The following IGF1R variants were observed in gnomAD, a reference collection of about 807,000 sequenced individuals.
The protein encoded by IGF1R is insulin-like growth factor 1 receptor.
Under a neutral mutation model 144.6 loss-of-function variants are expected in IGF1R, and 44 were observed. The ratio of observed to expected loss-of-function variants is 0.30; its 90% CI spans 0.24 to 0.39. The LOEUF (loss-of-function observed/expected upper bound fraction) is 0.39, where lower values mean the gene tolerates loss of function less well. Ranked by LOEUF, IGF1R falls within the 10% of genes least tolerant of loss-of-function variation. IGF1R has a pLI of 1.00. For synonymous variants in IGF1R, 795 were observed against 722.8 expected (o/e 1.10, Z -1.60); for missense variants, 1,355 against 1,833.7 (o/e 0.74, Z 4.77).
At chr15:98,926,459 T>C (rs1567203779) in intron 13 of IGF1R, among the ~76,000 whole-genome samples, 1 of 152,218 alleles carries the variant, frequency 6.6e-6, no homozygotes, top group East Asian at 1.9e-4. Flanking sequence ...TTAAGTGTTC[T>C]CACCACACAC....
rs553623802 is a variant in IGF1R at position 98,930,444 on chromosome 15, ATTTC to A, written c.2956+151_2956+154del. ...TGGCCTTGGATCTGTCTTCATTAAT[ATTTC>A]TTTCTTTCTTTTTTTTTTTAATCAA... is the stretch of plus-strand genomic sequence containing the variant. On this transcript the variant is annotated intron_variant, in intron 15 of 20. Coordinates refer to ENST00000650285, the MANE Select transcript of IGF1R (RefSeq NM_000875.5). The A allele has an allele frequency of 7.5e-4, 466 of 620,580 alleles. 3 individuals are homozygous for A. The African/African-American group carries it at 7.6e-3, about 10-fold the overall frequency. The allele number at this position is 620,580 out of a possible 1,614,324, so 38.4% of individuals were successfully genotyped here. A position where few individuals can be genotyped will look rare whatever the true frequency, so the allele number is the denominator to read the frequency against.
At chr15:98,686,459 A>C (rs1378061169) in intron 1 of IGF1R, among the ~76,000 whole-genome samples, 1 of 152,144 alleles carries the variant, frequency 6.6e-6, no homozygotes, top group Non-Finnish European at 1.5e-5. Context: ...ATCATATGGC[A>C]GTTCTATTTT....
chr15:98,929,458 A>G, intron 13 of IGF1R, 100 bp from the exon 14 acceptor site: 6 of 891,682 alleles, frequency 6.7e-6, no homozygotes, highest in South Asian at 6.6e-5. Context: ...GTAAACGAAT[A>G]TACAGGTATT....
chr15:98,649,899 C>T (rs2052306940), intron 1 of IGF1R, among the ~76,000 whole-genome samples: 1 of 152,148 alleles, frequency 6.6e-6, no homozygotes, highest in South Asian at 2.1e-4. Flanking sequence ...CGCGCATCCC[C>T]GCGCGGGAAG....
intron 1 of IGF1R, among the ~76,000 whole-genome samples, chr15:98,684,348 G>A (rs1282034337): frequency 7.3e-6 from 1 of 137,658 alleles, no homozygotes; most frequent in South Asian, 2.2e-4. Context: ...CTCTGGTTGT[G>A]TCTTACAACT....
chr15:98,746,900 CAAAG>C lies in IGF1R; in HGVS notation c.640+38797_640+38800del, dbSNP rs199840866. ...CAGTAATTTCACTAATTATGGTTGG[CAAAG>C]AAACTCTGACACATGGCTTTGGAGC... On this transcript the variant is annotated intron_variant, in intron 2 of 20. Coordinates refer to ENST00000650285, the MANE Select transcript of IGF1R (RefSeq NM_000875.5). 3.5e-3 allele frequency among the ~76,000 whole-genome samples: 536 copies of C among 152,256 alleles called. 17 individuals carry two copies. The South Asian group carries it at 0.063, about 18-fold the overall frequency.
chr15:98,917,453 C>T (rs909419737), intron 10 of IGF1R, among the ~76,000 whole-genome samples: 2 of 152,210 alleles, frequency 1.3e-5, no homozygotes, highest in African/African-American at 4.8e-5. Context: ...TCTTTCAAAG[C>T]AACACAGCCC....
rs1420714523 is a variant in IGF1R at position 98,929,729 on chromosome 15, G to A, written c.2885+69G>A. 13 of 1,052,984 alleles carry A rather than the reference G, an allele frequency of 1.2e-5. No individual in the cohort carries two copies. In the East Asian group the frequency reaches 2.8e-4, roughly 23 times the overall value. The allele number at this position is 1,052,984 out of a possible 1,614,324, so 65.2% of individuals were successfully genotyped here. The stretch of plus-strand genomic sequence containing the variant: ...TTTGATGATTTGAATGTGAGTGAAG[G>A]TGATATTTTTGAAGATTTCAAGGAA... On this transcript the variant is annotated intron_variant, in intron 14 of 20. Coordinates refer to ENST00000650285, the MANE Select transcript of IGF1R (RefSeq NM_000875.5).
chr15:98,930,321 A>G lies in IGF1R; in HGVS notation c.2956+16A>G. On this transcript the variant is annotated intron_variant, in intron 15 of 20. Coordinates refer to ENST00000650285, the MANE Select transcript of IGF1R (RefSeq NM_000875.5). ...GCTGCTGATGGTAAGAGTCCGGGCCACCAGCACTGCCAGCGTGCAGGGCAG... is the reference window on the plus strand; with the variant it reads ...GCTGCTGATGGTAAGAGTCCGGGCCGCCAGCACTGCCAGCGTGCAGGGCAG... The G allele has an allele frequency of 6.3e-7, 1 of 1,598,600 alleles. No homozygotes were observed. Among genetic ancestry groups the G allele is most frequent in the Non-Finnish European group, 8.6e-7 (1 of 1,167,832 alleles).
rs749227262 is a variant in IGF1R at position 98,930,225 on chromosome 15, T to G, written c.2886-10T>G. ...GGGTTTTGTTAACGTGAATTTAATC[T>G]TTTTGACAGAAATAACAGCAGGCTG... On this transcript the variant is annotated splice_polypyrimidine_tract_variant and intron_variant, in intron 14 of 20. Transcript: ENST00000650285. The G allele has an allele frequency of 1.2e-6, 2 of 1,609,236 alleles. No homozygotes were observed. The highest frequency in any genetic ancestry group is 2.2e-5 in the South Asian group (2 of 90,784).
intron 1 of IGF1R, among the ~76,000 whole-genome samples, chr15:98,674,918 T>C (rs1322539285): frequency 6.6e-6 from 1 of 151,904 alleles, no homozygotes; most frequent in Non-Finnish European, 1.5e-5. Context: ...GAATGAGGTC[T>C]TTAATGAAAT....
chr15:98,885,596 T>C (rs537716711), intron 2 of IGF1R, among the ~76,000 whole-genome samples: 1 of 152,250 alleles, frequency 6.6e-6, no homozygotes, highest in South Asian at 2.1e-4. Context: ...TGCGTTTATA[T>C]GGAACAGTGG....
intron 2 of IGF1R, among the ~76,000 whole-genome samples, chr15:98,759,124 A>T (rs990157023): frequency 2.6e-5 from 4 of 152,208 alleles, no homozygotes; most frequent in Admixed American, 6.5e-5. Flanking sequence ...TGTTAATGAC[A>T]TCAATTGTAT....
At position 98,891,714 on chromosome 15, in the gene IGF1R, CG is replaced by C; in HGVS notation, c.953+79del. ...CCTAGCACACAAAGGTAGACTCTGT[CG>C]GTTGTTTCATCCGGGTGCAGCCCTC... On this transcript the variant is annotated intron_variant, in intron 3 of 20. Transcript: ENST00000650285. This position sits in a 1 kb window ranked among gnomAD's most constrained non-coding sequence, Gnocchi z 4.7. The C allele has an allele frequency of 6.9e-7, 1 of 1,439,304 alleles. No homozygotes were observed. Among genetic ancestry groups the C allele is most frequent in the Non-Finnish European group, 9.5e-7 (1 of 1,047,530 alleles). The allele number at this position is 1,439,304 out of a possible 1,614,324, so 89.2% of individuals were successfully genotyped here. A position where few individuals can be genotyped will look rare whatever the true frequency, so the allele number is the denominator to read the frequency against.
chr15:98,818,301 A>C (rs1353056604), intron 2 of IGF1R, among the ~76,000 whole-genome samples: 3 of 152,094 alleles, frequency 2.0e-5, no homozygotes. Context: ...CAGAGCAGAG[A>C]GGGTCTGTAG....
Position 98,962,089 on chromosome 15 carries a change from A to G in IGF1R, c.*4647A>G, listed in dbSNP as rs2017249174. The G allele has an allele frequency of 4.3e-6, 1 of 233,216 alleles. No individual in the cohort carries two copies. The highest frequency in any genetic ancestry group is 8.5e-6 in the Non-Finnish European group (1 of 118,076). The allele number at this position is 233,216 out of a possible 1,614,324, so 14.4% of individuals were successfully genotyped here. A position where few individuals can be genotyped will look rare whatever the true frequency, so the allele number is the denominator to read the frequency against. On this transcript the variant is annotated 3_prime_UTR_variant, in exon 21 of 21. Coordinates refer to ENST00000650285, the MANE Select transcript of IGF1R (RefSeq NM_000875.5). ...GTCCACCTCTGCAGGCTGGCAGCCG[A>G]ATGGCTTGCCAGTGGCTCTGTGGCA...
Position 98,957,214 on chromosome 15 carries a change from G to GCTGGAC in IGF1R, c.3882_3887dup (p.Asp1294_Leu1295dup), listed in dbSNP as rs1213187177. On this transcript the variant is annotated inframe_insertion, in exon 21 of 21. Transcript: ENST00000650285. ...AGAACAAGCTGCCCGAGCCGGAGGA[G>GCTGGAC]CTGGACCTGGAGCCAGAGAACATGG... The GCTGGAC allele has an allele frequency of 8.7e-6, 14 of 1,614,252 alleles. No individual in the cohort carries two copies. Among genetic ancestry groups the GCTGGAC allele is most frequent in the Admixed American group, 1.7e-5 (1 of 60,032 alleles).
At chr15:98,866,946 T>G (rs562276707) in intron 2 of IGF1R, among the ~76,000 whole-genome samples, 1 of 152,342 alleles carries the variant, frequency 6.6e-6, no homozygotes, top group South Asian at 2.1e-4. Flanking sequence ...TGTTTTCCAC[T>G]CTGTCTGGCC....
chr15:98,894,693 C>A (rs2014092608), intron 3 of IGF1R, among the ~76,000 whole-genome samples: 1 of 152,178 alleles, frequency 6.6e-6, no homozygotes, highest in Admixed American at 6.5e-5. Flanking sequence ...CACCTGAGGT[C>A]AAGAGTTTGA....
Sources: gnomAD v4.1 joint callset for allele counts (sites outside exome capture counted in the v4.1 genomes callset) on GRCh38, gnomAD v4.1.1 for gene constraint, Gnocchi (gnomAD v3.1) non-coding constraint, MANE v1.5 for transcripts, NCBI Gene and HGNC (gene_info 2026-07-23, HGNC 2026-07-21) for gene names.